The following PCDH7 variants were observed in gnomAD, a reference collection of about 807,000 sequenced individuals.
PCDH7 encodes the protein protocadherin-7.
In PCDH7, 17 loss-of-function variants were observed where a neutral mutation model predicts 58.9. The observed-to-expected ratio is 0.29, with a 90% confidence interval of 0.20 to 0.43. PCDH7 has a LOEUF of 0.43. Among genes scored for constraint, PCDH7 ranks in the 20% least tolerant of loss-of-function variants. PCDH7 has a pLI of 1.00. For synonymous variants in PCDH7, 664 were observed against 616.4 expected, an observed-to-expected ratio of 1.08 and a Z score of -1.14; for missense variants, 1,274 against 1,441.0, an observed-to-expected ratio of 0.88 and a Z score of 1.88.
At chr4:31,099,065 G>C (rs1578794126) in intron 3 of PCDH7, among the ~76,000 whole-genome samples, 3 of 152,248 alleles carry the variant, frequency 2.0e-5, no homozygotes, top group Non-Finnish European at 4.4e-5. Flanking sequence ...CTCCAATACA[G>C]TCATGTTGAT....
intron 3 of PCDH7, among the ~76,000 whole-genome samples, chr4:31,117,789 T>A (rs960836072): frequency 2.6e-5 from 4 of 152,194 alleles, no homozygotes; most frequent in African/African-American, 9.6e-5. Context: ...ATGGTAGGAC[T>A]GTGATGTAGA....
At chr4:30,964,910 C>T (rs1748863450) in intron 3 of PCDH7, among the ~76,000 whole-genome samples, 1 of 152,038 alleles carries the variant, frequency 6.6e-6, no homozygotes. Flanking sequence ...CTAAGATTTT[C>T]TTTTAGAGAA....
chr4:30,892,809 T>A (rs1698885971), intron 1 of PCDH7, among the ~76,000 whole-genome samples: 1 of 152,082 alleles, frequency 6.6e-6, no homozygotes, highest in South Asian at 2.1e-4. Flanking sequence ...GTATTCTCTT[T>A]CCCAAAATAG....
At chr4:31,021,411 T>C (rs1450812566) in intron 3 of PCDH7, among the ~76,000 whole-genome samples, 2 of 152,202 alleles carry the variant, frequency 1.3e-5, no homozygotes, top group Non-Finnish European at 2.9e-5. Flanking sequence ...AAGAAACTAA[T>C]CAAATGAAAG....
intron 3 of PCDH7, among the ~76,000 whole-genome samples, chr4:31,020,008 A>C (rs1004802266): frequency 2.6e-5 from 4 of 152,176 alleles, no homozygotes; most frequent in African/African-American, 9.7e-5. Context: ...CTTGTTATTG[A>C]AACAGAAATA....
At chr4:30,901,737 A>G (rs1427757695) in intron 1 of PCDH7, among the ~76,000 whole-genome samples, 1 of 152,178 alleles carries the variant, frequency 6.6e-6, no homozygotes, top group East Asian at 1.9e-4. Flanking sequence ...GGAACTCATG[A>G]AAAACTCTTA....
At chr4:31,052,538 A>G (rs1485012995) in intron 3 of PCDH7, among the ~76,000 whole-genome samples, 1 of 152,212 alleles carries the variant, frequency 6.6e-6, no homozygotes, top group South Asian at 2.1e-4. Flanking sequence ...TTAAGGACAT[A>G]GAGTCCCATT....
At chr4:31,108,365 A>T (rs71598142) in intron 3 of PCDH7, among the ~76,000 whole-genome samples, 1 of 118,464 alleles carries the variant, frequency 8.4e-6, no homozygotes, top group Non-Finnish European at 1.7e-5. Context: ...CATACAGCAT[A>T]CAGTAAAAAA....
rs138025680 is a variant in PCDH7 at position 30,723,304 on chromosome 4, C to G, written c.1882C>G (p.Gln628Glu). 3.1e-6 allele frequency: 5 copies of G among 1,614,092 alleles called. No individual in the cohort carries two copies. The African/African-American group carries it at 6.7e-5, about 22-fold the overall frequency. ...GCAGGGCAGCACTACGGTGATTGTG[C>G]AGGTGGCTGATAAAAATGACAATGA... Residue 628 changes from glutamine (Q) to glutamate (E), a missense_variant, in exon 1 of 2, where the codon CAG becomes GAG. Physicochemically the swap from Gln to Glu is conservative, Grantham distance 29. Transcript: ENST00000361762. The surrounding 1 kb of genome is among the most constrained non-coding windows in gnomAD (Gnocchi z 4.6).
chr4:30,925,718 G>A (rs1578310573), intron 2 of PCDH7: 1 of 152,112 alleles, frequency 6.6e-6, no homozygotes. Context: ...CTTTGGGAGG[G>A]TGCTATTCAC....
chr4:30,909,738 T>C (rs1741475333), intron 1 of PCDH7, among the ~76,000 whole-genome samples: 1 of 152,174 alleles, frequency 6.6e-6, no homozygotes, highest in South Asian at 2.1e-4. Context: ...ATCGTGAACA[T>C]GGCCATACTG....
At chr4:31,090,264 G>C (rs571526403) in intron 3 of PCDH7, among the ~76,000 whole-genome samples, 29 of 152,064 alleles carry the variant, frequency 1.9e-4, no homozygotes, top group African/African-American at 5.1e-4. Flanking sequence ...TCTTTTTTTA[G>C]AAAATGTTTA....
At chr4:30,896,395 G>A (rs945518503) in intron 1 of PCDH7, among the ~76,000 whole-genome samples, 1 of 152,006 alleles carries the variant, frequency 6.6e-6, no homozygotes, top group Non-Finnish European at 1.5e-5. Context: ...GTCTGTTTCT[G>A]CAAATGTGTT....
At chr4:31,079,307 AAGATAT>A (rs1560627866) in intron 3 of PCDH7, among the ~76,000 whole-genome samples, 1 of 92,176 alleles carries the variant, frequency 1.1e-5, no homozygotes, top group Non-Finnish European at 2.2e-5. Flanking sequence ...ACAATACTGG[AAGATAT>A]ATATATATAT....
chr4:30,943,779 G>T (rs1488768160), intron 2 of PCDH7, among the ~76,000 whole-genome samples: 2 of 150,994 alleles, frequency 1.3e-5, no homozygotes, highest in Non-Finnish European at 2.9e-5. Flanking sequence ...TTTATGTGTG[G>T]CCCAAGACAA....
At chr4:30,780,704 G>A (rs757911320) in intron 1 of PCDH7, among the ~76,000 whole-genome samples, 3 of 152,080 alleles carry the variant, frequency 2.0e-5, no homozygotes, top group Non-Finnish European at 2.9e-5. Flanking sequence ...TCTTTTGATA[G>A]TTATTGAATT....
chr4:30,843,863 C>G (rs1731553180), intron 1 of PCDH7, among the ~76,000 whole-genome samples: 1 of 151,840 alleles, frequency 6.6e-6, no homozygotes. Context: ...AAAATTCTTT[C>G]AAAACCTCAG....
At chr4:30,840,905 G>A (rs1214359345) in intron 1 of PCDH7, among the ~76,000 whole-genome samples, 2 of 148,624 alleles carry the variant, frequency 1.3e-5, no homozygotes, top group South Asian at 2.1e-4. Flanking sequence ...TTTTTTTTCT[G>A]CAAAACCAAG....
At chr4:31,010,758 TG>T (rs1427089958) in intron 3 of PCDH7, among the ~76,000 whole-genome samples, 1 of 151,894 alleles carries the variant, frequency 6.6e-6, no homozygotes, top group East Asian at 1.9e-4. Context: ...GGTAGGAGCA[TG>T]TTTAACCAGA....
Sources: allele counts gnomAD v4.1 joint callset (sites outside exome capture counted in the v4.1 genomes callset), GRCh38; gene constraint gnomAD v4.1.1; non-coding constraint Gnocchi (gnomAD v3.1); transcripts MANE v1.5; gene names NCBI Gene and HGNC (gene_info 2026-07-23, HGNC 2026-07-21).